Variants in L3HYPDH observed in about 807,000 individuals in gnomAD.
L3HYPDH encodes trans-3-hydroxy-L-proline dehydratase.
A neutral mutation model predicts 26.5 loss-of-function variants in L3HYPDH; 32 were observed. The observed-to-expected ratio is 1.21, with a 90% CI of 0.91 to 1.62. The LOEUF (loss-of-function observed/expected upper bound fraction) is 1.62. Ranked by LOEUF, L3HYPDH falls within the 40% of genes most tolerant of loss-of-function variation. The pLI is 0.00. For missense variants in L3HYPDH, 554 were observed against 476.4 expected, an observed-to-expected ratio of 1.16 and a Z score of -1.52; for synonymous variants, 215 against 196.6, an observed-to-expected ratio of 1.09 and a Z score of -0.78.
At chr14:59,494,121 G>GGGGTGTGT in the L3HYPDH span, among the ~76,000 whole-genome samples, 22 of 151,072 alleles carry the variant, frequency 1.5e-4, no homozygotes, top group South Asian at 4.2e-4. Context: ...AGAAAATTTG[G>GGGGTGTGT]GTGTGTGTGT....
chr14:59,492,748 T>C, the L3HYPDH span, among the ~76,000 whole-genome samples: 1 of 151,890 alleles, frequency 6.6e-6, no homozygotes, highest in Non-Finnish European at 1.5e-5. Context: ...TTGCCCAAAG[T>C]ATCTAATTAG....
the L3HYPDH span, among the ~76,000 whole-genome samples, chr14:59,501,727 T>C: frequency 6.6e-6 from 1 of 152,226 alleles, no homozygotes; most frequent in South Asian, 2.1e-4. Flanking sequence ...TTATGGATGT[T>C]TACTTTTACC....
chr14:59,478,267 A>G (rs1043634447), intron 2 of L3HYPDH, among the ~76,000 whole-genome samples: 1 of 152,238 alleles, frequency 6.6e-6, no homozygotes, highest in Non-Finnish European at 1.5e-5. Flanking sequence ...TGTATGTATT[A>G]TTAAATTTAG....
chr14:59,486,883 GTTA>G, upstream of L3HYPDH: 2 of 971,536 alleles, frequency 2.1e-6, no homozygotes, highest in East Asian at 2.6e-5. Flanking sequence ...AACATTTTTT[GTTA>G]TTATACTCAT....
chr14:59,484,940 C>G (rs916419332), upstream of L3HYPDH: 47 of 1,485,992 alleles, frequency 3.2e-5, no homozygotes, highest in Non-Finnish European at 3.8e-5. Flanking sequence ...AACAGTAAAG[C>G]AGAAGCAAGT....
intron 2 of L3HYPDH, among the ~76,000 whole-genome samples, chr14:59,476,822 G>A (rs1889663601): frequency 6.6e-6 from 1 of 152,182 alleles, no homozygotes; most frequent in Admixed American, 6.5e-5. Flanking sequence ...ACACAAAGAA[G>A]CAGGCACTGG....
chr14:59,470,100 CT>C (rs1889275716), downstream of L3HYPDH, among the ~76,000 whole-genome samples: 1 of 152,118 alleles, frequency 6.6e-6, no homozygotes, highest in Admixed American at 6.6e-5. Context: ...TTTTCCCAGC[CT>C]TTTATGAGGA....
the L3HYPDH span, among the ~76,000 whole-genome samples, chr14:59,499,340 A>T: frequency 6.6e-6 from 1 of 152,138 alleles, no homozygotes; most frequent in Non-Finnish European, 1.5e-5. Context: ...TGTAATAAGA[A>T]ATAAAAACTG....
intron 1 of L3HYPDH, among the ~76,000 whole-genome samples, chr14:59,481,876 T>A (rs1485294229): frequency 6.6e-6 from 1 of 152,216 alleles, no homozygotes; most frequent in East Asian, 1.9e-4. Flanking sequence ...CTATTTCTCC[T>A]AAAAGAGTTG....
downstream of L3HYPDH, among the ~76,000 whole-genome samples, chr14:59,468,747 A>G (rs2139790485): frequency 6.6e-6 from 1 of 152,336 alleles, no homozygotes; most frequent in South Asian, 2.1e-4. Context: ...AAATGCCAAC[A>G]TACAAAAAAA....
upstream of L3HYPDH, chr14:59,485,191 A>AAAC: frequency 6.7e-7 from 1 of 1,490,622 alleles, no homozygotes; most frequent in Non-Finnish European, 9.2e-7. Flanking sequence ...GAAACTTTAG[A>AAAC]TTATTGATAT....
intron 1 of L3HYPDH, 130 bp from the exon 2 acceptor site, chr14:59,479,481 TA>T: frequency 1.1e-6 from 1 of 873,288 alleles, no homozygotes; most frequent in Non-Finnish European, 1.8e-6. Context: ...AATAATGAAG[TA>T]AAAATCCGTT....
At chr14:59,498,816 T>C in the L3HYPDH span, 1 of 1,611,334 alleles carries the variant, frequency 6.2e-7, no homozygotes, top group Non-Finnish European at 8.5e-7. Flanking sequence ...GCATGTGGGT[T>C]AGGGAAATCT....
At chr14:59,488,480 G>A (rs1312774188), upstream of L3HYPDH, among the ~76,000 whole-genome samples, 4 of 152,074 alleles carry the variant, frequency 2.6e-5, no homozygotes, top group East Asian at 7.7e-4. Flanking sequence ...GAACATTTTA[G>A]GCAGAAGAAA....
At chr14:59,480,631 C>T (rs1889946879) in intron 1 of L3HYPDH, among the ~76,000 whole-genome samples, 1 of 152,154 alleles carries the variant, frequency 6.6e-6, no homozygotes, top group Non-Finnish European at 1.5e-5. Flanking sequence ...CAAGGTCATA[C>T]AAAGATATCA....
chr14:59,497,106 T>C, the L3HYPDH span, among the ~76,000 whole-genome samples: 5 of 151,870 alleles, frequency 3.3e-5, no homozygotes, highest in Non-Finnish European at 4.4e-5. Flanking sequence ...CCAATGTATA[T>C]ATAGCCTAGT....
downstream of L3HYPDH, among the ~76,000 whole-genome samples, chr14:59,472,000 C>G (rs535954214): frequency 2.6e-5 from 4 of 152,288 alleles, no homozygotes; most frequent in African/African-American, 9.6e-5. Flanking sequence ...TATACAGACT[C>G]TCTGGGTGAT....
intron 1 of L3HYPDH, chr14:59,483,469 C>A (rs1890209739): frequency 8.3e-7 from 1 of 1,206,838 alleles, no homozygotes; most frequent in Non-Finnish European, 1.0e-6. Flanking sequence ...GTTCTTCGCT[C>A]TTTCCTTGAC....
chr14:59,475,669 T>C (rs1461997679), intron 4 of L3HYPDH, among the ~76,000 whole-genome samples, 200 bp downstream of exon 4: 3 of 152,162 alleles, frequency 2.0e-5, no homozygotes, highest in Non-Finnish European at 4.4e-5. Flanking sequence ...TCTGAACCCA[T>C]GGAAAGGACC....
Sources: gnomAD v4.1 joint callset for allele counts (sites outside exome capture counted in the v4.1 genomes callset) on GRCh38, gnomAD v4.1.1 for gene constraint, MANE v1.5 for transcripts, NCBI Gene and HGNC (gene_info 2026-07-23, HGNC 2026-07-21) for gene names.